SLC4A10: variants seen among roughly 807,000 people sequenced by gnomAD.
SLC4A10 encodes solute carrier family 4 member 10, also known as sodium-driven chloride bicarbonate exchanger.
Under a neutral mutation model 137.7 loss-of-function variants are expected in SLC4A10, and 42 were observed. The ratio of observed to expected loss-of-function variants is 0.30; its 90% CI spans 0.24 to 0.39. The LOEUF is 0.39. Among genes scored for constraint, SLC4A10 ranks in the 10% least tolerant of loss-of-function variants. SLC4A10 has a pLI of 1.00. For synonymous variants in SLC4A10, 474 were observed against 464.1 expected (o/e 1.02, Z -0.27); for missense variants, 925 against 1,355.0 (o/e 0.68, Z 4.98).
chr2:161,667,747 CTCT>C (rs1296600629), intron 1 of SLC4A10, among the ~76,000 whole-genome samples: 1 of 151,540 alleles, frequency 6.6e-6, no homozygotes, highest in African/African-American at 2.4e-5. Flanking sequence ...ACTACTTTTG[CTCT>C]TCTTTTGGAC....
chr2:161,905,382 C>G (rs1394135533), intron 14 of SLC4A10, among the ~76,000 whole-genome samples: 1 of 152,196 alleles, frequency 6.6e-6, no homozygotes, highest in East Asian at 1.9e-4. Flanking sequence ...AACGTCCCCA[C>G]TGATCTGACA....
At chr2:161,644,546 A>G (rs183653874) in intron 1 of SLC4A10, among the ~76,000 whole-genome samples, 1 of 152,296 alleles carries the variant, frequency 6.6e-6, no homozygotes, top group East Asian at 1.9e-4. Flanking sequence ...AAGTCTTATA[A>G]TTTATTTTAA....
chr2:161,680,209 A>G (rs1017050801), intron 1 of SLC4A10, among the ~76,000 whole-genome samples: 3 of 152,104 alleles, frequency 2.0e-5, no homozygotes, highest in African/African-American at 7.2e-5. Context: ...TGATTCACTT[A>G]TTCATTTTCT....
chr2:161,984,206 T>C lies in SLC4A10; in HGVS notation c.*1054T>C, dbSNP rs185293645. On this transcript the variant is annotated 3_prime_UTR_variant, in exon 27 of 27. Transcript: ENST00000446997. The stretch of plus-strand genomic sequence containing the variant: ...TTTTTTTTCTGCAGAGTTTTTTTTT[T>C]CCACTTTTAAATTAAATGCATGTTG... 2.6e-4 allele frequency: 39 copies of C among 152,254 alleles called. No homozygotes were observed. The highest frequency in any genetic ancestry group is 9.1e-4 in the African/African-American group (38 of 41,566). 9.4% of individuals were successfully genotyped at this position (152,254 alleles called of 1,614,324 possible). A position where few individuals can be genotyped will look rare whatever the true frequency, so the allele number is the denominator to read the frequency against.
intron 26 of SLC4A10, among the ~76,000 whole-genome samples, chr2:161,980,909 G>A (rs935776253): frequency 2.0e-5 from 3 of 152,158 alleles, no homozygotes; most frequent in African/African-American, 4.8e-5. Flanking sequence ...TTGTTACAAT[G>A]AAAGCTTAAA....
chr2:161,790,335 T>C (rs866252529), intron 2 of SLC4A10, among the ~76,000 whole-genome samples: 35 of 152,184 alleles, frequency 2.3e-4, no homozygotes, highest in African/African-American at 8.0e-4. Flanking sequence ...CTTTAAATTA[T>C]CTTCTCTGCT....
chr2:161,693,736 G>C lies in SLC4A10; in HGVS notation c.48+69170G>C, dbSNP rs565334950. Among the ~76,000 whole-genome samples, 28 of 89,334 alleles carry C rather than the reference G, an allele frequency of 3.1e-4. No homozygotes were observed. In the Middle Eastern group the frequency reaches 0.044, roughly 141 times the overall value. 58.6% of individuals were successfully genotyped at this position (89,334 alleles called of 152,430 possible). A position where few individuals can be genotyped will look rare whatever the true frequency, so the allele number is the denominator to read the frequency against. On this transcript the variant is annotated intron_variant, in intron 1 of 26. Coordinates refer to ENST00000446997, the MANE Select transcript of SLC4A10 (RefSeq NM_001178015.2). ...ATATGTACAGTATTTGTCTTTCTTT[G>C]TTTGGCTCATTTCACTTACCAAAAT... is the stretch of plus-strand genomic sequence containing the variant.
chr2:161,851,485 G>A (rs938389696), intron 4 of SLC4A10, among the ~76,000 whole-genome samples: 2 of 151,958 alleles, frequency 1.3e-5, no homozygotes, highest in Non-Finnish European at 2.9e-5. Context: ...TTTACTTTCT[G>A]AATGTTTTTG....
chr2:161,960,185 G>A (rs936022227), intron 21 of SLC4A10, among the ~76,000 whole-genome samples: 3 of 151,892 alleles, frequency 2.0e-5, no homozygotes, highest in Admixed American at 6.6e-5. Flanking sequence ...CCAGCATGGT[G>A]AAACCCCATC....
chr2:161,975,332 A>G (rs1252850879), intron 24 of SLC4A10, among the ~76,000 whole-genome samples: 1 of 152,198 alleles, frequency 6.6e-6, no homozygotes, highest in Non-Finnish European at 1.5e-5. Flanking sequence ...GTGTGGTTAA[A>G]TAAGTTTGAA....
intron 6 of SLC4A10, among the ~76,000 whole-genome samples, chr2:161,869,386 A>C (rs2060968074): frequency 1.3e-5 from 2 of 151,646 alleles, no homozygotes; most frequent in Admixed American, 6.6e-5. Flanking sequence ...GCATAAACTA[A>C]ATAATTGGCA....
At chr2:161,911,433 T>A (rs1009422436) in intron 15 of SLC4A10, among the ~76,000 whole-genome samples, 2 of 151,900 alleles carry the variant, frequency 1.3e-5, no homozygotes, top group African/African-American at 2.4e-5. Context: ...GGGTGATAGA[T>A]GTGGGGAGAA....
chr2:161,782,714 A>G (rs2053179742), intron 2 of SLC4A10, among the ~76,000 whole-genome samples: 1 of 147,632 alleles, frequency 6.8e-6, no homozygotes, highest in African/African-American at 2.5e-5. Flanking sequence ...AAAATTCACT[A>G]GAGGGATTCA....
At chr2:161,976,028 T>C (rs1343654430) in intron 24 of SLC4A10, among the ~76,000 whole-genome samples, 1 of 152,190 alleles carries the variant, frequency 6.6e-6, no homozygotes, top group Non-Finnish European at 1.5e-5. Context: ...GTTGCTATGA[T>C]GTTAGGGGCA....
intron 2 of SLC4A10, among the ~76,000 whole-genome samples, chr2:161,781,969 C>T (rs1482378309): frequency 6.6e-6 from 1 of 152,088 alleles, no homozygotes; most frequent in African/African-American, 2.4e-5. Context: ...AATACCCCAA[C>T]TTCGATGGGG....
intron 15 of SLC4A10, among the ~76,000 whole-genome samples, chr2:161,924,324 G>A (rs539547171): frequency 6.6e-6 from 1 of 152,170 alleles, no homozygotes; most frequent in Non-Finnish European, 1.5e-5. Flanking sequence ...TAAGAAGTAA[G>A]TAGTCAGAAG....
chr2:161,856,893 C>A (rs1476454855), intron 5 of SLC4A10, among the ~76,000 whole-genome samples: 1 of 152,094 alleles, frequency 6.6e-6, no homozygotes, highest in African/African-American at 2.4e-5. Context: ...CCGCTTAAAT[C>A]GATGATGGCG....
At chr2:161,662,906 A>G (rs2038608585) in intron 1 of SLC4A10, among the ~76,000 whole-genome samples, 1 of 152,152 alleles carries the variant, frequency 6.6e-6, no homozygotes. Flanking sequence ...GTTGATGAGG[A>G]TGATTGATAG....
intron 2 of SLC4A10, among the ~76,000 whole-genome samples, chr2:161,795,973 C>A (rs1388430120): frequency 6.6e-6 from 1 of 151,980 alleles, no homozygotes; most frequent in African/African-American, 2.4e-5. Context: ...GGTTCTTATA[C>A]ATAATTTGTT....
Sources: gnomAD v4.1 joint callset for allele counts (sites outside exome capture counted in the v4.1 genomes callset) on GRCh38, gnomAD v4.1.1 for gene constraint, MANE v1.5 for transcripts, NCBI Gene and HGNC (gene_info 2026-07-23, HGNC 2026-07-21) for gene names.